UNC5B: variants seen among roughly 807,000 people sequenced by gnomAD.
The protein encoded by UNC5B is unc-5 netrin receptor B.
UNC5B carries 56 observed loss-of-function variants against 103.7 expected under a neutral mutation model. That is an observed-to-expected ratio of 0.54 (90% CI 0.44 to 0.67). UNC5B has a LOEUF of 0.67. Ranked by LOEUF, UNC5B falls within the 30% of genes least tolerant of loss-of-function variation. UNC5B has a pLI of 0.00. For synonymous variants in UNC5B, 577 were observed against 542.0 expected, an observed-to-expected ratio of 1.06 and a Z score of -0.90; for missense variants, 1,194 against 1,284.5, an observed-to-expected ratio of 0.93 and a Z score of 1.08.
intron 1 of UNC5B, among the ~76,000 whole-genome samples, chr10:71,230,628 C>T (rs548618626): frequency 6.6e-6 from 1 of 152,378 alleles, no homozygotes; most frequent in East Asian, 1.9e-4. Context: ...GCACAGCCTC[C>T]CTTTGGATAC....
intron 1 of UNC5B, among the ~76,000 whole-genome samples, chr10:71,229,596 C>T (rs1466022754): frequency 6.6e-6 from 1 of 152,184 alleles, no homozygotes; most frequent in Non-Finnish European, 1.5e-5. Flanking sequence ...TGGACCAGAG[C>T]GCTTGCCCGA....
rs187344072 is a variant in UNC5B, at chr10:71,301,449, A to G, written c.*2172A>G. 1 of 152,362 alleles carries G rather than the reference A, an allele frequency of 6.6e-6. No individual in the cohort carries two copies. Among genetic ancestry groups the G allele is most frequent in the Admixed American group, 6.5e-5 (1 of 15,314 alleles). The allele number at this position is 152,362 out of a possible 1,614,324, so 9.4% of individuals were successfully genotyped here. On this transcript the variant is annotated 3_prime_UTR_variant, in exon 17 of 17. Coordinates refer to ENST00000335350, the MANE Select transcript of UNC5B (RefSeq NM_170744.5). ...CTGGCTGGGCCCGGAGGCTGAGACT[A>G]AGGCTTTCGACCCTGGTGCCTCCAT...
chr10:71,230,398 G>A (rs563380811), intron 1 of UNC5B, among the ~76,000 whole-genome samples: 5 of 152,328 alleles, frequency 3.3e-5, no homozygotes, highest in African/African-American at 1.2e-4. Context: ...TAGCCCTCCT[G>A]GCTATACCAC....
intron 1 of UNC5B, among the ~76,000 whole-genome samples, chr10:71,250,663 G>T (rs1844152447): frequency 6.6e-6 from 1 of 152,234 alleles, no homozygotes; most frequent in South Asian, 2.1e-4. Flanking sequence ...GGATGGGGAG[G>T]TGGTGGCTCT....
chr10:71,286,970 C>T, intron 5 of UNC5B, 101 bp downstream of exon 5: 1 of 1,465,972 alleles, frequency 6.8e-7, no homozygotes, highest in Non-Finnish European at 9.2e-7. Context: ...GGATGCAGCC[C>T]AGAGAGGGGA....
chr10:71,262,573 T>C (rs1844438074), intron 1 of UNC5B, among the ~76,000 whole-genome samples: 1 of 152,170 alleles, frequency 6.6e-6, no homozygotes, highest in African/African-American at 2.4e-5. Context: ...ATCTACTGTG[T>C]GCCAGGCTGG....
At chr10:71,269,672 T>C in intron 1 of UNC5B, among the ~76,000 whole-genome samples, 1 of 151,824 alleles carries the variant, frequency 6.6e-6, no homozygotes, top group African/African-American at 2.4e-5. Flanking sequence ...GCAAACAAGA[T>C]TCCCAGGCCC....
intron 8 of UNC5B, 118 bp from the exon 9 acceptor site, chr10:71,290,797 G>T: frequency 1.6e-6 from 2 of 1,271,110 alleles, no homozygotes; most frequent in Non-Finnish European, 2.1e-6. Context: ...GCTCAGACTG[G>T]AACTCAGCAC....
chr10:71,299,040 G>A (rs1272493953), intron 16 of UNC5B, 72 bp from the exon 17 acceptor site: 2 of 1,579,090 alleles, frequency 1.3e-6, no homozygotes, highest in African/African-American at 2.7e-5. Context: ...TTCCCCTTGT[G>A]CCCCTTCACC....
rs538153943 is a variant in UNC5B at position 71,214,075 on chromosome 10, G to C, written c.79+1011G>C. Among the ~76,000 whole-genome samples, 896 of 152,216 alleles carry C rather than the reference G, an allele frequency of 5.9e-3. 10 individuals are homozygous for C. The highest frequency in any genetic ancestry group is 0.021 in the African/African-American group (856 of 41,518). On this transcript the variant is annotated intron_variant, in intron 1 of 16. Coordinates refer to ENST00000335350, the MANE Select transcript of UNC5B (RefSeq NM_170744.5). ...CTCTGGTACCCGAACCCAAGCAAGT[G>C]GGCTGGCCACGGCTGCCGGGCGGCT...
chr10:71,265,151 T>G (rs950156994), intron 1 of UNC5B, among the ~76,000 whole-genome samples: 39 of 152,262 alleles, frequency 2.6e-4, no homozygotes, highest in African/African-American at 9.4e-4. Flanking sequence ...TAGATAATTA[T>G]TCCAAGTACT....
At chr10:71,223,214 G>A (rs1295940781) in intron 1 of UNC5B, among the ~76,000 whole-genome samples, 1 of 152,202 alleles carries the variant, frequency 6.6e-6, no homozygotes, top group Non-Finnish European at 1.5e-5. Flanking sequence ...GGCTGGGCCT[G>A]ATTTGGCTCA....
intron 1 of UNC5B, among the ~76,000 whole-genome samples, chr10:71,276,473 G>A (rs967393320): frequency 2.0e-5 from 3 of 152,194 alleles, no homozygotes; most frequent in Admixed American, 1.3e-4. Flanking sequence ...TCACTTTGTC[G>A]CCCAGGCTGG....
chr10:71,288,992 T>C lies in UNC5B; in HGVS notation c.1099+2T>C, dbSNP rs1432958670. On this transcript the variant is annotated splice_donor_variant, in intron 8 of 16. Transcript: ENST00000335350. LOFTEE classifies it high-confidence loss of function. ...CTCTAAGCGACCCCAACAGCCACCG[T>C]AAGTCCCATTTCATGGCTGTCCTCT... 1.2e-6 allele frequency: 2 copies of C among 1,614,226 alleles called. No individual in the cohort carries two copies. The highest frequency in any genetic ancestry group is 1.1e-5 in the South Asian group (1 of 91,082).
intron 4 of UNC5B, among the ~76,000 whole-genome samples, chr10:71,285,982 G>A (rs900403537): frequency 6.6e-6 from 1 of 152,178 alleles, no homozygotes; most frequent in Non-Finnish European, 1.5e-5. Flanking sequence ...TCCAGCCTGG[G>A]ATCAGCCCTC....
At chr10:71,268,107 C>G (rs1031553270) in intron 1 of UNC5B, among the ~76,000 whole-genome samples, 1 of 152,208 alleles carries the variant, frequency 6.6e-6, no homozygotes, top group African/African-American at 2.4e-5. Context: ...GGGGACTGAG[C>G]AGGAATCCAA....
At chr10:71,220,492 C>T (rs1028854414) in intron 1 of UNC5B, among the ~76,000 whole-genome samples, 4 of 152,148 alleles carry the variant, frequency 2.6e-5, no homozygotes, top group Non-Finnish European at 4.4e-5. Context: ...GCCTTAGCTG[C>T]GGGTGCAGAA....
rs769157975 is a variant in UNC5B, at chr10:71,214,341, C to CT, written c.79+1291dup. Among the ~76,000 whole-genome samples, 1,007 of 145,502 alleles carry CT rather than the reference C, an allele frequency of 6.9e-3. 2 individuals carry two copies. The highest frequency in any genetic ancestry group is 0.013 in the African/African-American group (534 of 39,948). ...GGGCTTGGCTTTAGCACATTCCCCA[C>CT]TTTTTTTTTTTTTTCTGGTGCAAGT... On this transcript the variant is annotated intron_variant, in intron 1 of 16. Transcript: ENST00000335350.
chr10:71,225,094 C>A (rs892822533), intron 1 of UNC5B, among the ~76,000 whole-genome samples: 2 of 152,186 alleles, frequency 1.3e-5, no homozygotes, highest in Admixed American at 1.3e-4. Context: ...GACTAGGAGT[C>A]TGGAATCTCC....
Sources: allele counts gnomAD v4.1 joint callset (sites outside exome capture counted in the v4.1 genomes callset), GRCh38; gene constraint gnomAD v4.1.1; transcripts MANE v1.5; gene names NCBI Gene and HGNC (gene_info 2026-07-23, HGNC 2026-07-21).